The following BTBD9 variants were observed in gnomAD, a reference collection of about 807,000 sequenced individuals.
BTBD9 encodes the protein BTB/POZ domain-containing protein 9.
In BTBD9, 49 loss-of-function variants were observed where a neutral mutation model predicts 64.3. That is an observed-to-expected ratio of 0.76 (90% CI 0.61 to 0.97). The LOEUF (loss-of-function observed/expected upper bound fraction) is 0.97. Among genes scored for constraint, BTBD9 ranks in the 50% least tolerant of loss-of-function variants. The probability of loss-of-function intolerance (pLI) is 0.00; values close to 1 mark genes in which losing one functional copy is unlikely to be tolerated. For missense variants in BTBD9, 598 were observed against 762.1 expected (o/e 0.78, Z 2.53); for synonymous variants, 260 against 274.7 (o/e 0.95, Z 0.53).
At chr6:38,349,029 T>A (rs543986220) in intron 6 of BTBD9, among the ~76,000 whole-genome samples, 7 of 152,230 alleles carry the variant, frequency 4.6e-5, no homozygotes, top group Admixed American at 3.3e-4. Context: ...CACCTCAGCC[T>A]CCCAAGTAGC....
chr6:38,514,446 T>C (rs1047329458), intron 6 of BTBD9, among the ~76,000 whole-genome samples: 3 of 152,200 alleles, frequency 2.0e-5, no homozygotes, highest in African/African-American at 4.8e-5. Context: ...CTTCAGATAA[T>C]ATATGCTGCT....
rs117182479 is a variant in BTBD9, at chr6:38,519,499, T to C, written c.1154+58101A>G. Among the ~76,000 whole-genome samples, 231 of 152,316 alleles carry C rather than the reference T, an allele frequency of 1.5e-3. 3 individuals carry two copies. The East Asian group carries it at 0.037, about 24-fold the overall frequency. On this transcript the variant is annotated intron_variant, in intron 6 of 10. Transcript: ENST00000481247. ...GCAGAGTAACATACTTGTATTTATA[T>C]ATCCTTGTACTGTAAAGTATACTAA...
intron 9 of BTBD9, among the ~76,000 whole-genome samples, chr6:38,235,576 G>A (rs955727762): frequency 6.6e-6 from 1 of 152,126 alleles, no homozygotes; most frequent in Admixed American, 6.6e-5. Flanking sequence ...AGGGGTCAGT[G>A]ACAAAGATGA....
chr6:38,581,717 G>C (rs1259548071), intron 4 of BTBD9, among the ~76,000 whole-genome samples: 2 of 152,212 alleles, frequency 1.3e-5, no homozygotes, highest in Non-Finnish European at 2.9e-5. Context: ...TCACTTTGAA[G>C]AAGTTTCCCT....
At chr6:38,377,313 C>A (rs1765729365) in intron 6 of BTBD9, among the ~76,000 whole-genome samples, 1 of 152,076 alleles carries the variant, frequency 6.6e-6, no homozygotes, top group Non-Finnish European at 1.5e-5. Context: ...TACTCTGGGG[C>A]TAGGACTAGT....
intron 5 of BTBD9, among the ~76,000 whole-genome samples, 187 bp downstream of exon 5, chr6:38,580,031 C>G (rs1039045365): frequency 1.3e-5 from 2 of 151,982 alleles, no homozygotes; most frequent in Non-Finnish European, 2.9e-5. Flanking sequence ...TAAGAAGAAA[C>G]AAACAAAAAA....
intron 8 of BTBD9, among the ~76,000 whole-genome samples, chr6:38,280,702 C>A (rs760948009): frequency 7.9e-5 from 12 of 152,204 alleles, no homozygotes; most frequent in Admixed American, 2.0e-4. Context: ...TTTACCTGTG[C>A]TAATGTCATC....
chr6:38,223,765 G>A (rs1317564435), intron 9 of BTBD9, among the ~76,000 whole-genome samples: 3 of 150,884 alleles, frequency 2.0e-5, no homozygotes, highest in African/African-American at 7.3e-5. Flanking sequence ...TTCCTTTTTG[G>A]ATTCTCCTTT....
At chr6:38,631,829 T>C (rs745863667) in intron 1 of BTBD9, among the ~76,000 whole-genome samples, 2 of 152,222 alleles carry the variant, frequency 1.3e-5, no homozygotes. Context: ...ATCATAAGAT[T>C]AAAAAATGTT....
At chr6:38,513,221 C>G (rs774409191) in intron 6 of BTBD9, among the ~76,000 whole-genome samples, 2 of 151,836 alleles carry the variant, frequency 1.3e-5, no homozygotes, top group African/African-American at 4.8e-5. Flanking sequence ...TTTGGGAGGC[C>G]GAGGGGAGTG....
chr6:38,585,934 C>G (rs542244761), intron 4 of BTBD9, among the ~76,000 whole-genome samples: 130 of 124,790 alleles, frequency 1.0e-3, no homozygotes, highest in Non-Finnish European at 1.9e-3. Flanking sequence ...GTAAACAGGA[C>G]AGACCACACA....
chr6:38,505,241 G>A (rs183866599), intron 6 of BTBD9, among the ~76,000 whole-genome samples: 74 of 152,188 alleles, frequency 4.9e-4, no homozygotes, highest in African/African-American at 1.4e-3. Context: ...ACATGCCAAC[G>A]AATTTTAAGT....
chr6:38,559,272 T>C (rs575597166), intron 6 of BTBD9, among the ~76,000 whole-genome samples: 1 of 152,008 alleles, frequency 6.6e-6, no homozygotes, highest in Non-Finnish European at 1.5e-5. Flanking sequence ...TTCCATACTC[T>C]AATAACATTC....
chr6:38,564,806 C>A (rs1053652329), intron 6 of BTBD9, among the ~76,000 whole-genome samples: 1 of 151,938 alleles, frequency 6.6e-6, no homozygotes, highest in Non-Finnish European at 1.5e-5. Context: ...GCAGGAGAAT[C>A]GCATGAACCC....
intron 7 of BTBD9, among the ~76,000 whole-genome samples, chr6:38,304,292 A>G (rs1050638435): frequency 2.0e-5 from 3 of 152,094 alleles, no homozygotes; most frequent in Middle Eastern, 3.2e-3. Context: ...TTACACCTGT[A>G]ATCCCAGCAC....
At chr6:38,414,720 T>C (rs1767588992) in intron 6 of BTBD9, among the ~76,000 whole-genome samples, 1 of 152,188 alleles carries the variant, frequency 6.6e-6, no homozygotes, top group Non-Finnish European at 1.5e-5. Flanking sequence ...ATATCACTCT[T>C]CCTTTTTTTC....
chr6:38,481,260 C>CA (rs1490074632), intron 6 of BTBD9, among the ~76,000 whole-genome samples: 2 of 152,168 alleles, frequency 1.3e-5, no homozygotes, highest in Non-Finnish European at 2.9e-5. Context: ...TTCAAGGAGA[C>CA]AACCATAGCA....
intron 9 of BTBD9, among the ~76,000 whole-genome samples, chr6:38,255,318 T>C (rs1002045031): frequency 6.6e-6 from 1 of 152,138 alleles, no homozygotes; most frequent in East Asian, 1.9e-4. Context: ...TTTGGGGTGA[T>C]GAAAATGTTC....
At position 38,487,597 on chromosome 6, in the gene BTBD9, G is replaced by GAGAA. The variant is rs1201393877; in HGVS notation, c.1154+90002_1154+90003insTTCT. ...AGAGACAGAGAGAGAGTCAGCGAGAGAGAGAGAGAGAGAGAGAGAGAGAGA... is the reference window on the plus strand; with the variant it reads ...AGAGACAGAGAGAGAGTCAGCGAGAGAGAAAGAGAGAGAGAGAGAGAGAGAGAGA... On this transcript the variant is annotated intron_variant, in intron 6 of 10. Transcript: ENST00000481247. Among the ~76,000 whole-genome samples the GAGAA allele has an allele frequency of 4.3e-3, 434 of 100,290 alleles. 2 individuals are homozygous for GAGAA. Among genetic ancestry groups the GAGAA allele is most frequent in the African/African-American group, 0.022 (393 of 17,558 alleles). 65.8% of individuals were successfully genotyped at this position (100,290 alleles called of 152,430 possible).
Sources: allele counts gnomAD v4.1 joint callset (sites outside exome capture counted in the v4.1 genomes callset), GRCh38; gene constraint gnomAD v4.1.1; transcripts MANE v1.5; gene names NCBI Gene and HGNC (gene_info 2026-07-23, HGNC 2026-07-21).